The following NUGGC variants were observed in gnomAD, a reference collection of about 807,000 sequenced individuals.
NUGGC encodes nuclear GTPase SLIP-GC.
Under a neutral mutation model 92.6 loss-of-function variants are expected in NUGGC, and 58 were observed. The observed-to-expected ratio is 0.63, with a 90% CI of 0.51 to 0.78. The LOEUF (loss-of-function observed/expected upper bound fraction) is 0.78. Ranked by LOEUF, NUGGC falls within the 30% of genes least tolerant of loss-of-function variation. The pLI, the probability that NUGGC is intolerant of heterozygous loss-of-function variation, is 0.00. For synonymous variants in NUGGC, 376 were observed against 366.4 expected (o/e 1.03, Z -0.30); for missense variants, 925 against 964.6 (o/e 0.96, Z 0.54).
intron 8 of NUGGC, among the ~76,000 whole-genome samples, chr8:28,059,318 C>A (rs1365479140): frequency 2.6e-5 from 4 of 152,114 alleles, no homozygotes; most frequent in Non-Finnish European, 5.9e-5. Context: ...ACTAATCATA[C>A]CCCCTCTCAC....
chr8:28,039,992 G>A (rs906385308), intron 13 of NUGGC, among the ~76,000 whole-genome samples: 7 of 152,146 alleles, frequency 4.6e-5, no homozygotes, highest in African/African-American at 7.2e-5. Context: ...AGGAGTGTGC[G>A]TGCTCAGTGA....
chr8:28,042,907 A>C (rs1474125098), intron 12 of NUGGC, among the ~76,000 whole-genome samples: 1 of 152,232 alleles, frequency 6.6e-6, no homozygotes, highest in Non-Finnish European at 1.5e-5. Context: ...CTTTAAGTGA[A>C]TTGGGTTGAA....
intron 1 of NUGGC, among the ~76,000 whole-genome samples, chr8:28,080,614 G>T (rs1368643532): frequency 6.6e-6 from 1 of 152,132 alleles, no homozygotes; most frequent in Non-Finnish European, 1.5e-5. Context: ...TTGAATGAAT[G>T]ATGATAGATA....
intron 1 of NUGGC, among the ~76,000 whole-genome samples, chr8:28,083,114 G>A (rs1043968808): frequency 6.6e-6 from 1 of 152,202 alleles, no homozygotes; most frequent in African/African-American, 2.4e-5. Context: ...GCTGTGCATA[G>A]CAGCTTCTTT....
In NUGGC at chr8:28,069,733, C is replaced by T. The variant is rs1186187451; in HGVS notation, c.149-81G>A. On this transcript the variant is annotated intron_variant, in intron 3 of 18. Transcript: ENST00000413272. Reference sequence around the variant, plus strand: ...GTCTCCAAAGGAGGTGTCTGTTGAACATCGCAGAGAAGGGAAAAAAAAAAT... The same window carrying T: ...GTCTCCAAAGGAGGTGTCTGTTGAATATCGCAGAGAAGGGAAAAAAAAAAT... 4 of 814,146 alleles carry T rather than the reference C, an allele frequency of 4.9e-6. No individual in the cohort carries two copies. In the East Asian group the frequency reaches 7.3e-5, roughly 15 times the overall value. The allele number at this position is 814,146 out of a possible 1,614,324, so 50.4% of individuals were successfully genotyped here.
chr8:28,055,585 C>G (rs1810112495), intron 10 of NUGGC, among the ~76,000 whole-genome samples: 1 of 152,240 alleles, frequency 6.6e-6, no homozygotes, highest in Non-Finnish European at 1.5e-5. Flanking sequence ...GTAATCCCAG[C>G]ACTTTGGGAG....
At chr8:28,035,186 C>A (rs910178076) in intron 13 of NUGGC, among the ~76,000 whole-genome samples, 1 of 152,194 alleles carries the variant, frequency 6.6e-6, no homozygotes, top group Admixed American at 6.5e-5. Flanking sequence ...CTCTCAGCCC[C>A]CACTCACTCA....
chr8:28,058,388 T>C (rs982079994), intron 8 of NUGGC, 112 bp from the exon 9 acceptor site: 2 of 210,816 alleles, frequency 9.5e-6, no homozygotes, highest in Non-Finnish European at 2.1e-5. Flanking sequence ...TGCCTTTTCA[T>C]AAGTTCTTTC....
intron 12 of NUGGC, among the ~76,000 whole-genome samples, chr8:28,042,563 G>T (rs1304462573): frequency 6.6e-6 from 1 of 152,092 alleles, no homozygotes; most frequent in Admixed American, 6.5e-5. Context: ...GGTAGAGGTG[G>T]GGCTCTCTGT....
intron 11 of NUGGC, 60 bp from the exon 12 acceptor site, chr8:28,045,720 T>C: frequency 6.4e-7 from 1 of 1,555,218 alleles, no homozygotes; most frequent in Non-Finnish European, 8.7e-7. Context: ...GTCAATAGAA[T>C]TCATAAAAGT....
Position 28,033,633 on chromosome 8 carries a change from T to C in NUGGC, c.1676A>G (p.Tyr559Cys), listed in dbSNP as rs1469988091. The change falls in exon 14 of 19, where the codon TAT becomes TGT. Residue 559 changes from tyrosine to cysteine, a missense_variant. Tyr to Cys is a radical substitution (Grantham distance 194). Transcript: ENST00000413272. ...AATTCTCGCCAGAGTCCTGGAGGCA[T>C]AGATGCCATTTTTCAGGCAAACAGC... ...LKAVCLKNGI[Y>C]ASRTLARIDL... is the part of the protein sequence containing the mutation. 1.2e-6 allele frequency: 2 copies of C among 1,613,958 alleles called. No homozygotes were observed. The highest frequency in any genetic ancestry group is 2.2e-5 in the East Asian group (1 of 44,880).
intron 6 of NUGGC, among the ~76,000 whole-genome samples, chr8:28,066,169 C>G (rs187557696): frequency 2.1e-3 from 325 of 152,316 alleles, no homozygotes; most frequent in Middle Eastern, 3.4e-3. Context: ...TGCGTGTATT[C>G]AGATAAAGCA....
At chr8:28,041,961 G>A (rs118070242) in intron 12 of NUGGC, among the ~76,000 whole-genome samples, 1 of 152,036 alleles carries the variant, frequency 6.6e-6, no homozygotes, top group Non-Finnish European at 1.5e-5. Flanking sequence ...CACGTGTTGT[G>A]GGGGGGACCT....
Position 28,050,290 on chromosome 8 carries a change from C to A in NUGGC, c.1207-2678G>T, listed in dbSNP as rs1303625457. On this transcript the variant is annotated intron_variant, in intron 10 of 18. Coordinates refer to ENST00000413272, the MANE Select transcript of NUGGC (RefSeq NM_001010906.2). The stretch of plus-strand genomic sequence containing the variant: ...ATCCCAGCTACTCGGGAGGCTGAGG[C>A]AGGAGAATCGCTTGAACCAGGGAGG... Among the ~76,000 whole-genome samples, 4 of 151,948 alleles carry A rather than the reference C, an allele frequency of 2.6e-5. No homozygotes were observed. In the East Asian group the frequency reaches 7.8e-4, roughly 29 times the overall value.
chr8:28,064,636 G>T lies in NUGGC; in HGVS notation c.807C>A (p.Ile269=). ...TGGGAAGTGTCACTTCCACATGTTTGATCAAGGGCCAGATGCGCATCTCAG... is the reference window on the plus strand; with the variant it reads ...TGGGAAGTGTCACTTCCACATGTTTTATCAAGGGCCAGATGCGCATCTCAG... ...EAAEMRIWPL[I]KHVEVTLPKS... is the part of the protein sequence containing the mutation. The change falls in exon 7 of 19, where the codon ATC becomes ATA. Residue 269 remains isoleucine, a synonymous_variant. Coordinates refer to ENST00000413272, the MANE Select transcript of NUGGC (RefSeq NM_001010906.2). 6.2e-7 allele frequency: 1 copy of T among 1,614,008 alleles called. No homozygotes were observed. The highest frequency in any genetic ancestry group is 8.5e-7 in the Non-Finnish European group (1 of 1,179,898).
intron 10 of NUGGC, among the ~76,000 whole-genome samples, chr8:28,053,257 G>A (rs565023673): frequency 6.6e-6 from 1 of 152,078 alleles, no homozygotes; most frequent in African/African-American, 2.4e-5. Flanking sequence ...CCAGGAATTA[G>A]AGACCAGCCT....
chr8:28,033,336 T>C (rs1392619304), intron 14 of NUGGC, among the ~76,000 whole-genome samples: 2 of 152,234 alleles, frequency 1.3e-5, no homozygotes, highest in Non-Finnish European at 2.9e-5. Flanking sequence ...GAAAGCAGCA[T>C]CTCAGTCTGT....
intron 16 of NUGGC, among the ~76,000 whole-genome samples, chr8:28,029,839 C>T (rs902850452): frequency 2.0e-5 from 3 of 152,008 alleles, no homozygotes; most frequent in Non-Finnish European, 4.4e-5. Flanking sequence ...TATATATATA[C>T]TTATATAAAA....
Position 28,030,358 on chromosome 8 carries a change from C to G in NUGGC, c.1969G>C (p.Glu657Gln), listed in dbSNP as rs778044873. The stretch of plus-strand genomic sequence containing the variant: ...CTCTGGACAGAGGCAGTGAGGGACT[C>G]GTAGATCCTCCTCTTCCTTCTGAGG... Reference protein sequence around the residue: ...HILRRKRRIYESLTASVQSDL... With the variant: ...HILRRKRRIYQSLTASVQSDL... Residue 657 changes from glutamate to glutamine, a missense_variant, in exon 16 of 19, where the codon GAG becomes CAG. Physicochemically the swap from Glu to Gln is conservative, Grantham distance 29. Transcript: ENST00000413272. 1.3e-6 allele frequency: 2 copies of G among 1,581,976 alleles called. No homozygotes were observed. Among genetic ancestry groups the G allele is most frequent in the African/African-American group, 2.7e-5 (2 of 74,346 alleles).
Sources: allele counts gnomAD v4.1 joint callset (sites outside exome capture counted in the v4.1 genomes callset), GRCh38; gene constraint gnomAD v4.1.1; transcripts MANE v1.5; gene names NCBI Gene and HGNC (gene_info 2026-07-23, HGNC 2026-07-21).